ANKRD44: variants seen among roughly 807,000 people sequenced by gnomAD.
ANKRD44 encodes serine/threonine-protein phosphatase 6 regulatory ankyrin repeat subunit B.
In ANKRD44, 35 loss-of-function variants were observed where a neutral mutation model predicts 116.0. The ratio of observed to expected loss-of-function variants is 0.30; its 90% confidence interval spans 0.23 to 0.40. The LOEUF is 0.40. Among genes scored for constraint, ANKRD44 ranks in the 10% least tolerant of loss-of-function variants. The probability of loss-of-function intolerance (pLI) is 1.00; values close to 1 mark genes in which losing one functional copy is unlikely to be tolerated. For synonymous variants in ANKRD44, 435 were observed against 461.8 expected (o/e 0.94, Z 0.74); for missense variants, 1,014 against 1,242.6 (o/e 0.82, Z 2.77).
At chr2:197,095,745 A>G (rs1322560985) in intron 10 of ANKRD44, among the ~76,000 whole-genome samples, 1 of 152,290 alleles carries the variant, frequency 6.6e-6, no homozygotes, top group East Asian at 1.9e-4. Context: ...TTCACCTGCA[A>G]GATGGGAATA....
chr2:197,017,574 T>C (rs1033466975), intron 17 of ANKRD44, among the ~76,000 whole-genome samples: 34 of 152,220 alleles, frequency 2.2e-4, no homozygotes, highest in African/African-American at 8.0e-4. Flanking sequence ...ATAGGTAGTA[T>C]AACAACTCAT....
rs2081342603 is a variant in ANKRD44, at chr2:197,212,154, T to G, written c.28-25048A>C. On this transcript the variant is annotated intron_variant, in intron 1 of 27. Coordinates refer to ENST00000282272, the MANE Select transcript of ANKRD44 (RefSeq NM_001195144.2). This position sits in a 1 kb window ranked among gnomAD's most constrained non-coding sequence, Gnocchi z 4.8. ...GGAACTGGAACAAGGAGGGACTTTC[T>G]GGTGGATCAAAGTATGCTAGAGATC... is the stretch of plus-strand genomic sequence containing the variant. Among the ~76,000 whole-genome samples the G allele has an allele frequency of 6.6e-6, 1 of 152,228 alleles. No individual in the cohort carries two copies. Among genetic ancestry groups the G allele is most frequent in the Admixed American group, 6.5e-5 (1 of 15,284 alleles).
chr2:197,132,142 G>A (rs1395411060), intron 4 of ANKRD44, among the ~76,000 whole-genome samples: 2 of 152,314 alleles, frequency 1.3e-5, no homozygotes, highest in African/African-American at 2.4e-5. Flanking sequence ...GAAGCCCTTA[G>A]GGAGCCAAAA....
intron 16 of ANKRD44, chr2:197,077,682 G>A (rs1446702656): frequency 6.6e-6 from 1 of 152,188 alleles, no homozygotes; most frequent in Middle Eastern, 3.2e-3. Flanking sequence ...TTCATCCTGT[G>A]TTACAAACGG....
At chr2:197,160,195 G>A (rs1457475583) in intron 2 of ANKRD44, among the ~76,000 whole-genome samples, 3 of 152,032 alleles carry the variant, frequency 2.0e-5, no homozygotes, top group African/African-American at 7.2e-5. Context: ...AAATCAACCT[G>A]ATTACTCATT....
intron 1 of ANKRD44, among the ~76,000 whole-genome samples, chr2:197,282,390 G>A (rs1209408251): frequency 6.6e-6 from 1 of 152,028 alleles, no homozygotes; most frequent in Admixed American, 6.6e-5. Context: ...AGACTGAGAA[G>A]TTTATAGTAA....
intron 3 of ANKRD44, among the ~76,000 whole-genome samples, chr2:197,139,895 T>TGA (rs1363078143): frequency 8.5e-6 from 1 of 117,940 alleles, no homozygotes; most frequent in African/African-American, 3.2e-5. Context: ...TGTGTGTGTG[T>TGA]GTGAAACGGA....
At position 197,046,416 on chromosome 2, in the gene ANKRD44, C is replaced by T. The variant is rs374396146; in HGVS notation, c.1651-21149G>A. On this transcript the variant is annotated intron_variant, in intron 16 of 27. Transcript: ENST00000282272. ...TTAGGGTAGCTTTAGGTGTGGTGCA[C>T]GCAGAAATGCTTTACTGGGTCTTAG... Among the ~76,000 whole-genome samples the T allele has an allele frequency of 2.9e-4, 44 of 152,100 alleles. No homozygotes were observed. The East Asian group carries it at 7.0e-3, about 24-fold the overall frequency.
intron 25 of ANKRD44, among the ~76,000 whole-genome samples, chr2:196,995,824 T>A (rs1430624794): frequency 1.3e-5 from 2 of 152,140 alleles, no homozygotes; most frequent in Non-Finnish European, 2.9e-5. Flanking sequence ...TTAGCATACA[T>A]CAAAAGTCCC....
rs1314634525 is a variant in ANKRD44, at chr2:196,993,607, A to G, written c.2899T>C (p.Cys967Arg). The G allele has an allele frequency of 6.4e-7, 1 of 1,550,914 alleles. No individual in the cohort carries two copies. Among genetic ancestry groups the G allele is most frequent in the Non-Finnish European group, 8.7e-7 (1 of 1,147,044 alleles). ...VVEELLAKGA[C>R]VLAVDENASR... ...CCATTTTCATCTACAGCAAGTACACAGGCCCCTTTGGCCAGCAACTCCTCA... is the reference window on the plus strand; with the variant it reads ...CCATTTTCATCTACAGCAAGTACACGGGCCCCTTTGGCCAGCAACTCCTCA... Residue 967 changes from cysteine (C) to arginine (R), a missense_variant, in exon 27 of 28, where the codon TGT (cysteine) becomes CGT (arginine). Cys to Arg is a radical substitution (Grantham distance 180, BLOSUM62 -3). Transcript: ENST00000282272.
At chr2:196,996,837 G>A (rs781206026) in intron 25 of ANKRD44, among the ~76,000 whole-genome samples, 1 of 147,282 alleles carries the variant, frequency 6.8e-6, no homozygotes, top group Non-Finnish European at 1.5e-5. Context: ...TTGGGAGGCG[G>A]AGGTTGCAGT....
intron 27 of ANKRD44, 120 bp from the exon 28 acceptor site, chr2:196,989,769 TTTTTGCAGTC>T: frequency 6.7e-7 from 1 of 1,489,570 alleles, no homozygotes; most frequent in South Asian, 1.3e-5. Flanking sequence ...TTTTTGTTCC[TTTTTGCAGTC>T]ACACTTTTCA....
chr2:197,280,782 C>A (rs1028220116), intron 1 of ANKRD44, among the ~76,000 whole-genome samples: 3 of 152,110 alleles, frequency 2.0e-5, no homozygotes, highest in Non-Finnish European at 4.4e-5. Context: ...ACCTCTTTCA[C>A]CAATTAAAGT....
intron 1 of ANKRD44, among the ~76,000 whole-genome samples, chr2:197,195,768 A>G (rs1014443115): frequency 3.9e-5 from 6 of 152,226 alleles, no homozygotes; most frequent in African/African-American, 1.4e-4. Context: ...AATTTAAATC[A>G]TAACATTTCA....
At chr2:197,248,338 G>A (rs1237562452) in intron 1 of ANKRD44, among the ~76,000 whole-genome samples, 1 of 152,032 alleles carries the variant, frequency 6.6e-6, no homozygotes, top group Non-Finnish European at 1.5e-5. Flanking sequence ...CCAGCAGACT[G>A]CCTTGGGAGT....
At chr2:197,132,962 G>T (rs1283593462) in intron 4 of ANKRD44, among the ~76,000 whole-genome samples, 1 of 152,162 alleles carries the variant, frequency 6.6e-6, no homozygotes, top group East Asian at 1.9e-4. Flanking sequence ...TGGCTGAGTT[G>T]AACTAAATTT....
intron 21 of ANKRD44, among the ~76,000 whole-genome samples, chr2:196,980,452 G>C (rs1449607096): frequency 1.3e-5 from 2 of 152,148 alleles, no homozygotes; most frequent in African/African-American, 2.4e-5. Context: ...AAACCCGTTA[G>C]CTTTCTATTT....
intron 1 of ANKRD44, among the ~76,000 whole-genome samples, chr2:197,244,939 C>T (rs1395613745): frequency 2.0e-5 from 3 of 151,944 alleles, no homozygotes; most frequent in East Asian, 3.9e-4. Flanking sequence ...TTCAACCAAC[C>T]GCAAATCTAA....
At chr2:197,037,819 A>T (rs2076835641) in intron 16 of ANKRD44, among the ~76,000 whole-genome samples, 1 of 152,090 alleles carries the variant, frequency 6.6e-6, no homozygotes, top group Admixed American at 6.6e-5. Context: ...GGTCGTGCCT[A>T]TAGTCCCAGC....
Sources: allele counts gnomAD v4.1 joint callset (sites outside exome capture counted in the v4.1 genomes callset), GRCh38; gene constraint gnomAD v4.1.1; non-coding constraint Gnocchi (gnomAD v3.1); transcripts MANE v1.5; gene names NCBI Gene and HGNC (gene_info 2026-07-23, HGNC 2026-07-21).